SMG6: variants seen among roughly 807,000 people sequenced by gnomAD.
The protein encoded by SMG6 is SMG6 nonsense mediated mRNA decay factor.
In SMG6, 66 loss-of-function variants were observed where a neutral mutation model predicts 142.2. That is an observed-to-expected ratio of 0.46 (90% CI 0.38 to 0.57). The LOEUF (loss-of-function observed/expected upper bound fraction) is 0.57, where lower values mean the gene tolerates loss of function less well. Ranked by LOEUF, SMG6 falls within the 20% of genes least tolerant of loss-of-function variation. The pLI is 0.00. For missense variants in SMG6, 1,793 were observed against 1,832.0 expected (o/e 0.98, Z 0.39); for synonymous variants, 779 against 702.4 (o/e 1.11, Z -1.72).
intron 13 of SMG6, among the ~76,000 whole-genome samples, chr17:2,167,805 G>A (rs1262351666): frequency 6.6e-6 from 1 of 152,234 alleles, no homozygotes; most frequent in Non-Finnish European, 1.5e-5. Flanking sequence ...GAGCACTGGA[G>A]ATATGTTTTA....
At chr17:2,186,135 G>A (rs995369968) in intron 12 of SMG6, among the ~76,000 whole-genome samples, 2 of 152,002 alleles carry the variant, frequency 1.3e-5, no homozygotes, top group African/African-American at 4.8e-5. Context: ...GGCCGAGGCA[G>A]GAGGATCACA....
At chr17:2,301,702 C>T (rs1001925562) in intron 1 of SMG6, among the ~76,000 whole-genome samples, 6 of 152,020 alleles carry the variant, frequency 3.9e-5, no homozygotes, top group Non-Finnish European at 7.4e-5. Context: ...ATTAGCCGGG[C>T]GTGGTGGTGG....
At chr17:2,255,325 A>C (rs1597720296) in intron 8 of SMG6, among the ~76,000 whole-genome samples, 3 of 135,196 alleles carry the variant, frequency 2.2e-5, no homozygotes, top group African/African-American at 2.7e-5. Flanking sequence ...AATGGCGTGA[A>C]CCCGGGAGGC....
At chr17:2,145,640 C>CA (rs1336719046) in intron 13 of SMG6, among the ~76,000 whole-genome samples, 970 of 28,810 alleles carry the variant, frequency 0.034, 100 homozygotes, top group Middle Eastern at 0.15. Flanking sequence ...GGCTCCATCT[C>CA]CCCAAAAAAA....
chr17:2,277,243 T>G (rs1291146945), intron 8 of SMG6, among the ~76,000 whole-genome samples: 1 of 146,698 alleles, frequency 6.8e-6, no homozygotes, highest in East Asian at 2.0e-4. Context: ...CTCGGCTCAC[T>G]GCAAGCTCCG....
chr17:2,130,550 T>G (rs1285850219), intron 13 of SMG6, among the ~76,000 whole-genome samples: 1 of 151,616 alleles, frequency 6.6e-6, no homozygotes, highest in Admixed American at 6.6e-5. Context: ...AAATTCCAAA[T>G]GGAACAAAGA....
rs747547660 is a variant in SMG6 at position 2,300,077 on chromosome 17, C to T, written c.676G>A (p.Val226Met). 10 of 1,613,668 alleles carry T rather than the reference C, an allele frequency of 6.2e-6. No individual in the cohort carries two copies. Among genetic ancestry groups the T allele is most frequent in the Non-Finnish European group, 8.5e-6 (10 of 1,179,594 alleles). Reference sequence around the variant, plus strand: ...GCTGGGTCGTCGTGGGTTTCCCTCACCCCCTCCCCTTTTCCCATCCTCTTT... The same window carrying T: ...GCTGGGTCGTCGTGGGTTTCCCTCATCCCCTCCCCTTTTCCCATCCTCTTT... ...KGKRMGKGEG[V>M]RETHDDPARG... The change falls in exon 2 of 19, where the codon GTG (valine) becomes ATG (methionine). Residue 226 changes from valine to methionine, a missense_variant. Transcript: ENST00000263073.
chr17:2,111,375 G>A (rs887980850), intron 13 of SMG6, among the ~76,000 whole-genome samples: 2 of 152,220 alleles, frequency 1.3e-5, no homozygotes, highest in Admixed American at 1.3e-4. Flanking sequence ...AGACTTGAAG[G>A]TGCAAGCCAC....
intron 18 of SMG6, among the ~76,000 whole-genome samples, chr17:2,063,801 G>A (rs1384936998): frequency 6.6e-6 from 1 of 152,184 alleles, no homozygotes; most frequent in African/African-American, 2.4e-5. Context: ...AGTGTGAAGG[G>A]AGGCAAGGGG....
intron 8 of SMG6, among the ~76,000 whole-genome samples, chr17:2,273,300 A>G (rs2074578853): frequency 6.6e-6 from 1 of 152,146 alleles, no homozygotes; most frequent in Admixed American, 6.6e-5. Context: ...CGGATCACTT[A>G]AGGTCAGGAG....
chr17:2,301,779 T>C (rs1027017205), intron 1 of SMG6, among the ~76,000 whole-genome samples: 5 of 152,192 alleles, frequency 3.3e-5, no homozygotes, highest in Admixed American at 1.3e-4. Context: ...GAGGCGGAGC[T>C]TGCAGTACGC....
Position 2,299,662 on chromosome 17 carries a change from G to A in SMG6, c.1091C>T (p.Pro364Leu). 6.2e-7 allele frequency: 1 copy of A among 1,614,140 alleles called. No individual in the cohort carries two copies. The highest frequency in any genetic ancestry group is 8.5e-7 in the Non-Finnish European group (1 of 1,180,022). Residue 364 changes from proline to leucine, a missense_variant, in exon 2 of 19, where the codon CCC becomes CTC. This residue lies in a region of SMG6 where 1,597 missense variants were observed against 1,584.6 expected (regional missense o/e 1.01). Coordinates refer to ENST00000263073, the MANE Select transcript of SMG6 (RefSeq NM_017575.5). This position sits in a 1 kb window ranked among gnomAD's most constrained non-coding sequence, Gnocchi z 4.3. ...FDAEAMNKES[P>L]MVRSARDDMD... ...ATCATCCCTGGCTGACCTCACCATG[G>A]GAGACTCTTTGTTCATGGCTTCTGC...
chr17:2,249,172 C>A (rs565633293), intron 8 of SMG6, among the ~76,000 whole-genome samples: 1 of 152,170 alleles, frequency 6.6e-6, no homozygotes, highest in Admixed American at 6.5e-5. Context: ...GGATTACAGG[C>A]GTGAGCCACC....
intron 10 of SMG6, 25 bp from the exon 11 acceptor site, chr17:2,188,540 C>G: frequency 6.2e-7 from 1 of 1,603,084 alleles, no homozygotes; most frequent in Middle Eastern, 1.7e-4. Context: ...ATGAAACTCT[C>G]AGCGCCCCAG....
intron 11 of SMG6, among the ~76,000 whole-genome samples, chr17:2,187,799 TG>T (rs2072037341): frequency 6.6e-6 from 1 of 151,126 alleles, no homozygotes; most frequent in South Asian, 2.1e-4. Flanking sequence ...TGGTGCGGCA[TG>T]GGGTGACAGT....
At chr17:2,083,470 A>C (rs187526913) in intron 14 of SMG6, among the ~76,000 whole-genome samples, 1 of 152,314 alleles carries the variant, frequency 6.6e-6, no homozygotes, top group Non-Finnish European at 1.5e-5. Context: ...TCAGTTTTGC[A>C]GTTTGGGGAG....
chr17:2,225,781 C>G (rs1032586421), intron 10 of SMG6, among the ~76,000 whole-genome samples: 1 of 151,948 alleles, frequency 6.6e-6, no homozygotes, highest in Admixed American at 6.6e-5. Flanking sequence ...TAGGGTAACC[C>G]TAAAAGAAAA....
chr17:2,232,660 T>A (rs1213778245), intron 10 of SMG6: 1 of 152,174 alleles, frequency 6.6e-6, no homozygotes, highest in African/African-American at 2.4e-5. Flanking sequence ...CTGTATCCAC[T>A]GACGTAGGAC....
intron 12 of SMG6, among the ~76,000 whole-genome samples, chr17:2,185,980 CT>C (rs1325578081): frequency 6.6e-6 from 1 of 152,094 alleles, no homozygotes; most frequent in Non-Finnish European, 1.5e-5. Flanking sequence ...CATCCCAGCA[CT>C]TTGGGAGGCT....
Sources: allele counts gnomAD v4.1 joint callset (sites outside exome capture counted in the v4.1 genomes callset), GRCh38; gene constraint gnomAD v4.1.1; regional missense constraint gnomAD v4.1.1; non-coding constraint Gnocchi (gnomAD v3.1); transcripts MANE v1.5; gene names NCBI Gene and HGNC (gene_info 2026-07-23, HGNC 2026-07-21).